ATAD2B: variants seen among roughly 807,000 people sequenced by gnomAD.
ATAD2B encodes the protein ATPase family AAA domain-containing protein 2B.
A neutral mutation model predicts 167.6 loss-of-function variants in ATAD2B; 40 were observed. The ratio of observed to expected loss-of-function variants is 0.24; its 90% confidence interval spans 0.19 to 0.31. ATAD2B has a LOEUF of 0.31. Among genes scored for constraint, ATAD2B ranks in the 10% least tolerant of loss-of-function variants. The pLI, the probability that ATAD2B is intolerant of heterozygous loss-of-function variation, is 1.00. For missense variants in ATAD2B, 1,242 were observed against 1,757.2 expected (o/e 0.71, Z 5.24); for synonymous variants, 579 against 596.5 (o/e 0.97, Z 0.43).
the ATAD2B span, among the ~76,000 whole-genome samples, chr2:23,739,118 A>G: frequency 6.6e-6 from 1 of 152,304 alleles, no homozygotes; most frequent in South Asian, 2.1e-4. Context: ...TTAACACCCC[A>G]CTGTCAACAT....
the ATAD2B span, chr2:23,708,195 T>TG: frequency 6.6e-6 from 1 of 152,236 alleles, no homozygotes; most frequent in African/African-American, 2.4e-5. Context: ...GCACTACGAG[T>TG]GTGGCTCCCA....
chr2:23,841,612 C>T (rs1402086967), intron 13 of ATAD2B, among the ~76,000 whole-genome samples: 1 of 152,060 alleles, frequency 6.6e-6, no homozygotes, highest in Non-Finnish European at 1.5e-5. Flanking sequence ...ACCTCCTAGG[C>T]TCAAGCAATC....
chr2:23,902,071 ACCTG>A (rs1700908024), intron 1 of ATAD2B, among the ~76,000 whole-genome samples: 1 of 152,144 alleles, frequency 6.6e-6, no homozygotes, highest in Non-Finnish European at 1.5e-5. Flanking sequence ...ATCAAAAATC[ACCTG>A]CATTACTCAT....
chr2:23,686,125 G>T, the ATAD2B span, among the ~76,000 whole-genome samples: 267 of 150,508 alleles, frequency 1.8e-3, no homozygotes, highest in Non-Finnish European at 2.3e-3. Flanking sequence ...CCAGGCCGGG[G>T]ATGGGGCATG....
intron 22 of ATAD2B, among the ~76,000 whole-genome samples, chr2:23,776,732 C>A (rs1225657255): frequency 6.6e-6 from 1 of 152,176 alleles, no homozygotes; most frequent in Non-Finnish European, 1.5e-5. Context: ...GTCTTATAAT[C>A]ATCTGCTGGC....
intron 1 of ATAD2B, among the ~76,000 whole-genome samples, chr2:23,920,749 A>G (rs1703791598): frequency 6.6e-6 from 1 of 152,202 alleles, no homozygotes; most frequent in Non-Finnish European, 1.5e-5. Flanking sequence ...GTTAACACAT[A>G]CATGATTCCC....
intron 16 of ATAD2B, among the ~76,000 whole-genome samples, chr2:23,821,584 T>A (rs908977259): frequency 2.0e-5 from 3 of 152,194 alleles, no homozygotes; most frequent in Admixed American, 2.0e-4. Context: ...CATTGAACAA[T>A]ATTCATAATT....
intron 21 of ATAD2B, chr2:23,785,808 T>TA (rs1456408158): frequency 4.5e-6 from 2 of 444,672 alleles, no homozygotes; most frequent in East Asian, 7.1e-5. Context: ...CAAAGGTTAA[T>TA]AATAATTAAG....
At chr2:23,809,767 TTATATA>T (rs1171187034) in intron 18 of ATAD2B, among the ~76,000 whole-genome samples, 1 of 152,108 alleles carries the variant, frequency 6.6e-6, no homozygotes, top group Admixed American at 6.5e-5. Flanking sequence ...ATATCCATGG[TTATATA>T]TAACAACCTC....
chr2:23,833,627 C>G (rs1246763954), intron 14 of ATAD2B, among the ~76,000 whole-genome samples: 1 of 152,146 alleles, frequency 6.6e-6, no homozygotes, highest in Non-Finnish European at 1.5e-5. Flanking sequence ...ACTAGGGACA[C>G]AGAAACTGCC....
chr2:23,888,794 TAAG>T (rs1412696374), intron 2 of ATAD2B, among the ~76,000 whole-genome samples: 1 of 152,168 alleles, frequency 6.6e-6, no homozygotes, highest in African/African-American at 2.4e-5. Flanking sequence ...CAATAAACAG[TAAG>T]AAAAAAGTGC....
At chr2:23,911,684 C>T (rs1702330205) in intron 1 of ATAD2B, among the ~76,000 whole-genome samples, 1 of 152,084 alleles carries the variant, frequency 6.6e-6, no homozygotes, top group African/African-American at 2.4e-5. Flanking sequence ...CAAAGCAAAA[C>T]GTATAACTTA....
chr2:23,827,578 A>G (rs1688444393), intron 15 of ATAD2B, among the ~76,000 whole-genome samples: 2 of 152,232 alleles, frequency 1.3e-5, no homozygotes, highest in Admixed American at 1.3e-4. Context: ...TCCCAGTCCG[A>G]TCTGAACTCT....
At chr2:23,757,240 G>A (rs765177098) in intron 25 of ATAD2B, among the ~76,000 whole-genome samples, 178 bp downstream of exon 25, 3 of 151,450 alleles carry the variant, frequency 2.0e-5, no homozygotes, top group Admixed American at 6.6e-5. Context: ...GCATGCCTCT[G>A]TGTGTGTGTG....
chr2:23,747,327 T>C (rs1469876622), downstream of ATAD2B, among the ~76,000 whole-genome samples: 1 of 151,180 alleles, frequency 6.6e-6, no homozygotes, highest in Non-Finnish European at 1.5e-5. Flanking sequence ...AATATATATA[T>C]ATTACACATA....
the ATAD2B span, among the ~76,000 whole-genome samples, chr2:23,718,198 G>T: frequency 6.6e-6 from 1 of 152,080 alleles, no homozygotes; most frequent in Non-Finnish European, 1.5e-5. Context: ...TGACCCACAG[G>T]GTGGGTTTGC....
chr2:23,906,437 A>C (rs1701504302), intron 1 of ATAD2B, among the ~76,000 whole-genome samples: 1 of 152,186 alleles, frequency 6.6e-6, no homozygotes, highest in Non-Finnish European at 1.5e-5. Flanking sequence ...TGGCAGTATA[A>C]TGATACAAAG....
At position 23,786,056 on chromosome 2, in the gene ATAD2B, T is replaced by C. The variant is rs1680762349; in HGVS notation, c.2944A>G (p.Ile982Val). ...TCAATATCCACCGGTTTGCTGAAGA[T>C]GTTAAAGCGTTTATCTGTGGCCAGC... ...KRLATDKRFN[I>V]FSKPVDIEEV... The change falls in exon 21 of 28, where the codon ATC becomes GTC. Residue 982 changes from isoleucine to valine, a missense_variant. Around this residue, in one of 9 missense-constraint regions of ATAD2B, gnomAD observed 204 missense variants for 324.0 expected, o/e 0.63. Coordinates refer to ENST00000238789, the MANE Select transcript of ATAD2B (RefSeq NM_017552.4). 1.2e-6 allele frequency: 2 copies of C among 1,612,198 alleles called. No homozygotes were observed. Among genetic ancestry groups the C allele is most frequent in the African/African-American group, 1.3e-5 (1 of 74,864 alleles).
chr2:23,831,931 ACT>A (rs1689127829), intron 14 of ATAD2B, among the ~76,000 whole-genome samples: 1 of 151,580 alleles, frequency 6.6e-6, no homozygotes, highest in Non-Finnish European at 1.5e-5. Flanking sequence ...TTGCAGAAAA[ACT>A]CTTTTTAAAA....
Sources: gnomAD v4.1 joint callset for allele counts (sites outside exome capture counted in the v4.1 genomes callset) on GRCh38, gnomAD v4.1.1 for gene constraint, gnomAD v4.1.1 regional missense constraint, MANE v1.5 for transcripts, NCBI Gene and HGNC (gene_info 2026-07-23, HGNC 2026-07-21) for gene names.